Variants in PLCXD3 observed in about 807,000 individuals in gnomAD.
PLCXD3 encodes phosphatidylinositol specific phospholipase C X domain containing 3.
In PLCXD3, 19 loss-of-function variants were observed where a neutral mutation model predicts 25.5. The observed-to-expected ratio is 0.75, with a 90% CI of 0.52 to 1.09. PLCXD3 has a LOEUF of 1.09. Ranked by LOEUF, PLCXD3 falls within the 50% of genes least tolerant of loss-of-function variation. The pLI, the probability that PLCXD3 is intolerant of heterozygous loss-of-function variation, is 0.00. For synonymous variants in PLCXD3, 174 were observed against 137.6 expected, an observed-to-expected ratio of 1.26 and a Z score of -1.85; for missense variants, 411 against 388.1, an observed-to-expected ratio of 1.06 and a Z score of -0.50.
Position 41,406,105 on chromosome 5 carries a change from T to C in PLCXD3, c.104-23571A>G, listed in dbSNP as rs558697906. On this transcript the variant is annotated intron_variant, in intron 1 of 2. Coordinates refer to ENST00000377801, the MANE Select transcript of PLCXD3 (RefSeq NM_001005473.3). ...TCCTTCTCGAAATATTTTCCTCCTT[T>C]GGTTTTTGAGACATGGATCTTTCCT... 7.9e-5 allele frequency among the ~76,000 whole-genome samples: 12 copies of C among 152,170 alleles called. No individual in the cohort carries two copies. The East Asian group carries it at 2.3e-3, about 29-fold the overall frequency.
intron 1 of PLCXD3, among the ~76,000 whole-genome samples, chr5:41,392,234 C>G (rs964215877): frequency 2.0e-5 from 3 of 152,064 alleles, no homozygotes; most frequent in Non-Finnish European, 4.4e-5. Context: ...ACAGCCAGTG[C>G]TTTTCTGACT....
intron 1 of PLCXD3, among the ~76,000 whole-genome samples, chr5:41,396,771 G>A (rs1746019918): frequency 1.3e-5 from 2 of 152,226 alleles, no homozygotes; most frequent in Admixed American, 1.3e-4. Context: ...GGAACTTATT[G>A]AAAACTGGAG....
At chr5:41,392,531 A>G (rs185450763) in intron 1 of PLCXD3, among the ~76,000 whole-genome samples, 282 of 152,294 alleles carry the variant, frequency 1.9e-3, no homozygotes, top group African/African-American at 6.5e-3. Flanking sequence ...AGCAGATACC[A>G]CTTAGATCAC....
chr5:41,509,830 G>A (rs200577964), intron 1 of PLCXD3, among the ~76,000 whole-genome samples: 67 of 152,348 alleles, frequency 4.4e-4, no homozygotes, highest in East Asian at 9.7e-4. Flanking sequence ...CCCTCTGCCC[G>A]TCGCCCCCTT....
chr5:41,313,731 C>T lies in PLCXD3; in HGVS notation c.852G>A (p.Lys284=), dbSNP rs1054785116. Residue 284 remains lysine (K), a synonymous_variant, in exon 3 of 3, where the codon AAG becomes AAA. Transcript: ENST00000377801. ...CAATATTGATGCCACTCTCTCCTGGCTTCTGCGTGCGGACCCACTGCATCA... is the reference window on the plus strand; with the variant it reads ...CAATATTGATGCCACTCTCTCCTGGTTTCTGCGTGCGGACCCACTGCATCA... ...PAMMQWVRTQ[K]PGESGINIVT... 1 of 1,612,744 alleles carries T rather than the reference C, an allele frequency of 6.2e-7. No homozygotes were observed. Among genetic ancestry groups the T allele is most frequent in the Non-Finnish European group, 8.5e-7 (1 of 1,179,272 alleles).
chr5:41,489,272 C>T (rs1748595162), intron 1 of PLCXD3, among the ~76,000 whole-genome samples: 1 of 152,138 alleles, frequency 6.6e-6, no homozygotes, highest in Admixed American at 6.6e-5. Flanking sequence ...GGGCTCTGTT[C>T]TGTTCCATTG....
At chr5:41,368,764 C>T (rs1244271884) in intron 2 of PLCXD3, among the ~76,000 whole-genome samples, 2 of 152,118 alleles carry the variant, frequency 1.3e-5, no homozygotes, top group Non-Finnish European at 2.9e-5. Flanking sequence ...TGAATTTTAT[C>T]AAAAGCCTTT....
intron 1 of PLCXD3, among the ~76,000 whole-genome samples, chr5:41,509,833 GC>G (rs1738999041): frequency 6.6e-6 from 1 of 152,182 alleles, no homozygotes; most frequent in South Asian, 2.1e-4. Flanking sequence ...TCTGCCCGTC[GC>G]CCCCTTGGGC....
chr5:41,431,331 G>A (rs1747096088), intron 1 of PLCXD3, among the ~76,000 whole-genome samples: 1 of 152,176 alleles, frequency 6.6e-6, no homozygotes, highest in Admixed American at 6.5e-5. Context: ...TACATTAGAG[G>A]TTATGCTAAG....
rs70988847 is a variant in PLCXD3, at chr5:41,446,176, CAAAAAAAAAA to C, written c.104-63652_104-63643del. Among the ~76,000 whole-genome samples the C allele has an allele frequency of 1.3e-4, 5 of 38,110 alleles. 1 individual carries two copies. Among genetic ancestry groups the C allele is most frequent in the Non-Finnish European group, 2.0e-4 (4 of 19,888 alleles). The allele number at this position is 38,110 out of a possible 152,430, so 25.0% of individuals were successfully genotyped here. The stretch of plus-strand genomic sequence containing the variant: ...TGGGCGACGGAGCCAGACTCCTTCT[CAAAAAAAAAA>C]AAAAAAAAAAAAAAAGAACAACGAG... On this transcript the variant is annotated intron_variant, in intron 1 of 2. Coordinates refer to ENST00000377801, the MANE Select transcript of PLCXD3 (RefSeq NM_001005473.3).
chr5:41,437,132 A>G (rs1747273467), intron 1 of PLCXD3, among the ~76,000 whole-genome samples: 1 of 152,200 alleles, frequency 6.6e-6, no homozygotes, highest in Non-Finnish European at 1.5e-5. Flanking sequence ...AAATTATCCT[A>G]GTTGGAATGT....
chr5:41,379,824 A>G (rs1745401685), intron 2 of PLCXD3, among the ~76,000 whole-genome samples: 1 of 152,138 alleles, frequency 6.6e-6, no homozygotes, highest in Non-Finnish European at 1.5e-5. Flanking sequence ...TAATTAAGCC[A>G]TAAAATGATA....
intron 1 of PLCXD3, among the ~76,000 whole-genome samples, chr5:41,408,000 T>A (rs1355820683): frequency 1.3e-5 from 2 of 152,154 alleles, no homozygotes; most frequent in East Asian, 3.9e-4. Flanking sequence ...GTAGAGAAGT[T>A]CAGTATTCAT....
At chr5:41,504,406 C>T (rs1360584009) in intron 1 of PLCXD3, among the ~76,000 whole-genome samples, 1 of 152,134 alleles carries the variant, frequency 6.6e-6, no homozygotes, top group African/African-American at 2.4e-5. Flanking sequence ...ACCTTAGTCC[C>T]CGAGCAATGG....
chr5:41,431,928 T>G (rs1289934962), intron 1 of PLCXD3, among the ~76,000 whole-genome samples: 1 of 152,150 alleles, frequency 6.6e-6, no homozygotes, highest in African/African-American at 2.4e-5. Context: ...CCCATGAGGT[T>G]TGCTGGACCT....
chr5:41,403,969 T>C (rs1746278921), intron 1 of PLCXD3, among the ~76,000 whole-genome samples: 1 of 152,152 alleles, frequency 6.6e-6, no homozygotes, highest in Non-Finnish European at 1.5e-5. Flanking sequence ...CTTTTCTTTT[T>C]AAAAATCAAA....
chr5:41,413,677 A>G (rs567046462), intron 1 of PLCXD3, among the ~76,000 whole-genome samples: 1 of 152,212 alleles, frequency 6.6e-6, no homozygotes, highest in Admixed American at 6.5e-5. Flanking sequence ...AAGTGTTTCT[A>G]TTATTATTAC....
intron 1 of PLCXD3, among the ~76,000 whole-genome samples, chr5:41,393,451 T>G (rs1201144018): frequency 6.6e-6 from 1 of 152,178 alleles, no homozygotes; most frequent in East Asian, 1.9e-4. Flanking sequence ...TACCCTAGAA[T>G]AGTATATCTG....
intron 2 of PLCXD3, among the ~76,000 whole-genome samples, chr5:41,342,130 A>ATACTG (rs1394481482): frequency 6.6e-6 from 1 of 152,224 alleles, no homozygotes; most frequent in Non-Finnish European, 1.5e-5. Flanking sequence ...GATTTTGAGG[A>ATACTG]TACTGTGGCC....
Sources: allele counts gnomAD v4.1 joint callset (sites outside exome capture counted in the v4.1 genomes callset), GRCh38; gene constraint gnomAD v4.1.1; transcripts MANE v1.5; gene names NCBI Gene and HGNC (gene_info 2026-07-23, HGNC 2026-07-21).